The following DMD variants were observed in gnomAD, a reference collection of about 807,000 sequenced individuals.
DMD encodes dystrophin, also known as mutant dystrophin.
DMD carries 63 observed loss-of-function variants against 330.1 expected under a neutral mutation model. That is an observed-to-expected ratio of 0.19 (90% CI 0.16 to 0.24). The LOEUF is 0.24. Among genes scored for constraint, DMD ranks in the 10% least tolerant of loss-of-function variants. DMD has a pLI of 1.00. For missense variants in DMD, 3,344 were observed against 2,684.1 expected (o/e 1.25, Z -5.43); for synonymous variants, 1,223 against 959.8 (o/e 1.27, Z -5.07).
intron 45 of DMD, among the ~76,000 whole-genome samples, chrX:31,946,877 G>A (rs1279714340): frequency 9.2e-6 from 1 of 109,045 alleles, no homozygotes; most frequent in East Asian, 2.9e-4. Flanking sequence ...CCATTCTCCT[G>A]AATTAATAGT....
At chrX:32,569,262 C>A (rs1234821418) in intron 15 of DMD, among the ~76,000 whole-genome samples, 4 of 111,918 alleles carry the variant, frequency 3.6e-5, no homozygotes, top group Non-Finnish European at 7.5e-5. Context: ...ACCTTCACCT[C>A]ACTCTCATCA....
chrX:32,769,538 A>C (rs2073375659), intron 7 of DMD, among the ~76,000 whole-genome samples: 1 of 112,021 alleles, frequency 8.9e-6, no homozygotes, highest in South Asian at 3.7e-4. Context: ...TATTGTTTTA[A>C]GCTCCTTTCT....
At chrX:32,768,252 A>AT (rs772418151) in intron 7 of DMD, among the ~76,000 whole-genome samples, 2 of 112,324 alleles carry the variant, frequency 1.8e-5, no homozygotes, top group African/African-American at 6.5e-5. Flanking sequence ...CTGAAATTAG[A>AT]TTTCCGTCAG....
chrX:32,735,129 G>A (rs7064036), intron 7 of DMD, among the ~76,000 whole-genome samples: 6,148 of 106,938 alleles, frequency 0.057, 650 homozygotes, highest in African/African-American at 0.21. Flanking sequence ...CAACAGACAA[G>A]CAGAGAGCCA....
At chrX:32,619,781 T>C (rs2057855179) in intron 11 of DMD, among the ~76,000 whole-genome samples, 1 of 111,249 alleles carries the variant, frequency 9.0e-6, no homozygotes, top group Non-Finnish European at 1.9e-5. Flanking sequence ...TAATAAACGA[T>C]AGTGAAGGAG....
intron 7 of DMD, among the ~76,000 whole-genome samples, chrX:32,701,487 CT>C (rs2064127419): frequency 9.0e-6 from 1 of 111,621 alleles, no homozygotes; most frequent in African/African-American, 3.3e-5. Flanking sequence ...GCCTAGAAAT[CT>C]CCAATTCATT....
At chrX:32,766,288 C>A (rs1246172492) in intron 7 of DMD, among the ~76,000 whole-genome samples, 1 of 111,112 alleles carries the variant, frequency 9.0e-6, no homozygotes, top group East Asian at 2.8e-4. Context: ...TTGAGTAACT[C>A]GGATACCTCA....
chrX:31,371,197 G>A (rs894320398), intron 60 of DMD, among the ~76,000 whole-genome samples: 1 of 110,926 alleles, frequency 9.0e-6, no homozygotes, highest in Non-Finnish European at 1.9e-5. Context: ...TGTGGAGTCC[G>A]TGTATAATTT....
At chrX:31,781,392 C>G (rs1339762316) in intron 50 of DMD, among the ~76,000 whole-genome samples, 1 of 111,910 alleles carries the variant, frequency 8.9e-6, no homozygotes, top group Non-Finnish European at 1.9e-5. Flanking sequence ...AGAGCTATAG[C>G]TTATAATATA....
intron 2 of DMD, among the ~76,000 whole-genome samples, chrX:32,912,040 AG>A (rs2087303085): frequency 4.4e-5 from 3 of 68,041 alleles, no homozygotes; most frequent in African/African-American, 2.1e-4. Context: ...GGAGAGAGAG[AG>A]AGAGAGAGAG....
intron 2 of DMD, among the ~76,000 whole-genome samples, chrX:32,990,620 A>C (rs1602453018): frequency 9.0e-6 from 1 of 111,603 alleles, no homozygotes; most frequent in East Asian, 2.8e-4. Flanking sequence ...TAAACCCCTA[A>C]ACCTTAATTT....
At chrX:33,330,676 C>T (rs182834123) in intron 1 of DMD, among the ~76,000 whole-genome samples, 1 of 112,004 alleles carries the variant, frequency 8.9e-6, no homozygotes, top group Non-Finnish European at 1.9e-5. Context: ...GGCTTTTAGA[C>T]CAGCCTAGAC....
chrX:31,915,636 T>C lies in DMD; in HGVS notation c.6912+13960A>G, dbSNP rs181152535. ...TTGGAAACACTTAATAAATACTGAA[T>C]GTATACATAAACCAAGGTACTGTTT... On this transcript the variant is annotated intron_variant, in intron 47 of 78. Coordinates refer to ENST00000357033, the MANE Select transcript of DMD (RefSeq NM_004006.3). 1.2e-4 allele frequency among the ~76,000 whole-genome samples: 14 copies of C among 112,230 alleles called. No homozygotes were observed. The East Asian group carries it at 3.4e-3, about 27-fold the overall frequency.
Position 31,242,262 on chromosome X carries a change from C to CAAAAAAAAAAAAAA in DMD, c.9286+18679_9286+18692dup, listed in dbSNP as rs72176984. ...CAAAGTGAGACCCTGTCTCAAAAAG[C>CAAAAAAAAAAAAAA]AAAAAAAAAAAAAAAAAAAAAAAAA... On this transcript the variant is annotated intron_variant, in intron 63 of 78. Transcript: ENST00000357033. Among the ~76,000 whole-genome samples, 8 of 24,639 alleles carry CAAAAAAAAAAAAAA rather than the reference C, an allele frequency of 3.2e-4. 1 individual carries two copies. Among genetic ancestry groups the CAAAAAAAAAAAAAA allele is most frequent in the Non-Finnish European group, 5.4e-4 (7 of 13,009 alleles). The allele number at this position is 24,639 out of a possible 115,157, so 21.4% of individuals were successfully genotyped here. A position where few individuals can be genotyped will look rare whatever the true frequency, so the allele number is the denominator to read the frequency against.
chrX:31,731,669 G>A (rs765558459), intron 51 of DMD, among the ~76,000 whole-genome samples: 12 of 111,631 alleles, frequency 1.1e-4, no homozygotes, highest in Non-Finnish European at 2.3e-4. Flanking sequence ...ATTCGGTATA[G>A]TGTGTAACTC....
chrX:32,835,579 C>A (rs1355985904), intron 4 of DMD, among the ~76,000 whole-genome samples: 1 of 112,280 alleles, frequency 8.9e-6, no homozygotes, highest in African/African-American at 3.2e-5. Flanking sequence ...AAAACAGCCA[C>A]CACAAAGAAT....
intron 16 of DMD, among the ~76,000 whole-genome samples, chrX:32,559,513 C>T (rs2050752068): frequency 1.8e-5 from 2 of 110,891 alleles, no homozygotes; most frequent in African/African-American, 6.6e-5. Flanking sequence ...AACTTACTGG[C>T]CAAAAAAGAA....
intron 57 of DMD, among the ~76,000 whole-genome samples, chrX:31,481,442 T>C (rs2068281550): frequency 9.0e-6 from 1 of 111,500 alleles, no homozygotes; most frequent in Non-Finnish European, 1.9e-5. Context: ...CCAGGAAAAA[T>C]GACAGGGATA....
chrX:32,077,062 T>C (rs2096357729), intron 44 of DMD, among the ~76,000 whole-genome samples: 1 of 111,783 alleles, frequency 8.9e-6, no homozygotes, highest in African/African-American at 3.3e-5. Flanking sequence ...TACAATTAGG[T>C]GAAATAGATC....
Sources: gnomAD v4.1 joint callset for allele counts (sites outside exome capture counted in the v4.1 genomes callset) on GRCh38, gnomAD v4.1.1 for gene constraint, MANE v1.5 for transcripts, NCBI Gene and HGNC (gene_info 2026-07-23, HGNC 2026-07-21) for gene names.